The following MAPK4 variants were observed in gnomAD, a reference collection of about 807,000 sequenced individuals.
The protein encoded by MAPK4 is Erk3-related.
A neutral mutation model predicts 47.7 loss-of-function variants in MAPK4; 22 were observed. That is an observed-to-expected ratio of 0.46 (90% CI 0.33 to 0.66). The LOEUF is 0.66. Ranked by LOEUF, MAPK4 falls within the 30% of genes least tolerant of loss-of-function variation. The pLI, the probability that MAPK4 is intolerant of heterozygous loss-of-function variation, is 0.02. For synonymous variants in MAPK4, 390 were observed against 365.7 expected (o/e 1.07, Z -0.76); for missense variants, 736 against 831.7 (o/e 0.88, Z 1.42).
chr18:50,568,617 A>G (rs1343643233), intron 1 of MAPK4, among the ~76,000 whole-genome samples: 2 of 152,222 alleles, frequency 1.3e-5, no homozygotes, highest in African/African-American at 4.8e-5. Flanking sequence ...AGGGTTAGGA[A>G]TATTAGAAAC....
At chr18:50,626,908 A>G (rs1057394172) in intron 1 of MAPK4, among the ~76,000 whole-genome samples, 4 of 152,176 alleles carry the variant, frequency 2.6e-5, no homozygotes, top group African/African-American at 9.7e-5. Flanking sequence ...TGCTCACAGC[A>G]CAGGGAAACC....
chr18:50,625,701 G>A (rs1362269542), intron 1 of MAPK4, among the ~76,000 whole-genome samples: 1 of 152,114 alleles, frequency 6.6e-6, no homozygotes, highest in Non-Finnish European at 1.5e-5. Flanking sequence ...CCCAGGATTG[G>A]TGAGGTCTGA....
At position 50,637,862 on chromosome 18, in the gene MAPK4, G is replaced by A. The variant is rs145068168; in HGVS notation, c.-870-25227G>A. 8.5e-5 allele frequency among the ~76,000 whole-genome samples: 13 copies of A among 152,270 alleles called. No homozygotes were observed. The East Asian group carries it at 1.9e-3, about 23-fold the overall frequency. On this transcript the variant is annotated intron_variant, in intron 1 of 5. Coordinates refer to ENST00000400384, the MANE Select transcript of MAPK4 (RefSeq NM_002747.4). Reference sequence around the variant, plus strand: ...TCCTAACCTCCTTTCTTATAAGGACGTCTGTCATATTAGATTGGGGCCTAC... The same window carrying A: ...TCCTAACCTCCTTTCTTATAAGGACATCTGTCATATTAGATTGGGGCCTAC...
At chr18:50,627,201 G>A (rs1598841499) in intron 1 of MAPK4, among the ~76,000 whole-genome samples, 1 of 152,160 alleles carries the variant, frequency 6.6e-6, no homozygotes, top group Non-Finnish European at 1.5e-5. Flanking sequence ...GGAATGGCTT[G>A]GGTGTCATGG....
chr18:50,632,726 T>A (rs575848368), intron 1 of MAPK4, among the ~76,000 whole-genome samples: 1 of 151,180 alleles, frequency 6.6e-6, no homozygotes, highest in Non-Finnish European at 1.5e-5. Context: ...TTCAAGCAAT[T>A]CTCCTGCCTC....
At chr18:50,562,351 A>C (rs530355995) in intron 1 of MAPK4, among the ~76,000 whole-genome samples, 1 of 151,280 alleles carries the variant, frequency 6.6e-6, no homozygotes, top group African/African-American at 2.4e-5. Flanking sequence ...AACCCTGGCT[A>C]TATCACCCTC....
chr18:50,671,988 C>T (rs1381182572), intron 2 of MAPK4, among the ~76,000 whole-genome samples: 2 of 151,890 alleles, frequency 1.3e-5, no homozygotes, highest in Non-Finnish European at 2.9e-5. Context: ...GAAAAACACA[C>T]AGAAAGCTCT....
chr18:50,625,882 GCACACACACACA>G (rs58870306), intron 1 of MAPK4, among the ~76,000 whole-genome samples: 34,286 of 145,136 alleles, frequency 0.24, 4,064 homozygotes, highest in Admixed American at 0.3. Context: ...GTGTGTGTAT[GCACACACACACA>G]CACACACACA....
intron 1 of MAPK4, among the ~76,000 whole-genome samples, chr18:50,605,140 G>A (rs753696256): frequency 6.6e-6 from 1 of 152,128 alleles, no homozygotes; most frequent in Non-Finnish European, 1.5e-5. Context: ...TATATAATGA[G>A]GAAACTGAGG....
At chr18:50,609,116 A>G (rs1361209314) in intron 1 of MAPK4, among the ~76,000 whole-genome samples, 2 of 152,072 alleles carry the variant, frequency 1.3e-5, no homozygotes. Flanking sequence ...TCCTATGTCT[A>G]CGTCTTTCTA....
At chr18:50,662,492 G>A (rs1175147561) in intron 1 of MAPK4, among the ~76,000 whole-genome samples, 1 of 152,238 alleles carries the variant, frequency 6.6e-6, no homozygotes, top group African/African-American at 2.4e-5. Context: ...TCTGGGCAAA[G>A]AGAGTCCTTT....
chr18:50,648,295 G>T (rs1308861707), intron 1 of MAPK4, among the ~76,000 whole-genome samples: 2 of 152,152 alleles, frequency 1.3e-5, no homozygotes, highest in Admixed American at 6.5e-5. Flanking sequence ...TGTGGAGAAT[G>T]TGGTGAATCA....
intron 4 of MAPK4, among the ~76,000 whole-genome samples, chr18:50,724,521 G>A (rs538236210): frequency 6.6e-6 from 1 of 152,350 alleles, no homozygotes; most frequent in South Asian, 2.1e-4. Flanking sequence ...AGACTGGCCC[G>A]ATTCTTCCAG....
At chr18:50,654,726 G>C (rs1004320393) in intron 1 of MAPK4, among the ~76,000 whole-genome samples, 9 of 152,244 alleles carry the variant, frequency 5.9e-5, no homozygotes, top group African/African-American at 9.6e-5. Flanking sequence ...CCTTTGTGCA[G>C]CTGGTGCTAT....
intron 1 of MAPK4, among the ~76,000 whole-genome samples, chr18:50,607,972 AT>A (rs2042596924): frequency 6.6e-6 from 1 of 152,380 alleles, no homozygotes; most frequent in East Asian, 1.9e-4. Flanking sequence ...ACTATCCATT[AT>A]GCTATTTAAT....
At chr18:50,609,306 C>A (rs1467610480) in intron 1 of MAPK4, among the ~76,000 whole-genome samples, 1 of 151,306 alleles carries the variant, frequency 6.6e-6, no homozygotes, top group Non-Finnish European at 1.5e-5. Context: ...CAGGCAGAGG[C>A]GCCCCCCACC....
chr18:50,637,952 C>T (rs1482961068), intron 1 of MAPK4, among the ~76,000 whole-genome samples: 1 of 152,228 alleles, frequency 6.6e-6, no homozygotes, highest in Non-Finnish European at 1.5e-5. Context: ...CAATCACATT[C>T]TGAGTTACTA....
chr18:50,597,508 A>C (rs530226195), intron 1 of MAPK4, among the ~76,000 whole-genome samples: 2 of 152,360 alleles, frequency 1.3e-5, no homozygotes, highest in South Asian at 4.1e-4. Flanking sequence ...ATGAGCATGT[A>C]ATTAACTAGA....
Position 50,605,955 on chromosome 18 carries a change from G to A in MAPK4, c.-871+45712G>A, listed in dbSNP as rs548859283. On this transcript the variant is annotated intron_variant, in intron 1 of 5. Transcript: ENST00000400384. ...GGAAGAGTCATGAGGGCAGACTCTG[G>A]CTTGGTCCACATGCTTTGGCAAGGC... Among the ~76,000 whole-genome samples the A allele has an allele frequency of 3.9e-5, 6 of 151,918 alleles. No homozygotes were observed. In the South Asian group the frequency reaches 1.0e-3, roughly 26 times the overall value.
Sources: allele counts gnomAD v4.1 joint callset (sites outside exome capture counted in the v4.1 genomes callset), GRCh38; gene constraint gnomAD v4.1.1; transcripts MANE v1.5; gene names NCBI Gene and HGNC (gene_info 2026-07-23, HGNC 2026-07-21).